FAM168A: variants seen among roughly 807,000 people sequenced by gnomAD.
FAM168A encodes the protein family with sequence similarity 168 member A, also known as protein FAM168A.
Under a neutral mutation model 28.5 loss-of-function variants are expected in FAM168A, and 3 were observed. The observed-to-expected ratio is 0.11, with a 90% CI of 0.05 to 0.27. The LOEUF is 0.27. FAM168A is among the 10% of genes least tolerant of loss of function. The pLI, the probability that FAM168A is intolerant of heterozygous loss-of-function variation, is 1.00. For synonymous variants in FAM168A, 122 were observed against 124.2 expected (o/e 0.98, Z 0.12); for missense variants, 222 against 311.5 (o/e 0.71, Z 2.16).
At chr11:73,547,430 A>G (rs1296378105) in intron 1 of FAM168A, among the ~76,000 whole-genome samples, 1 of 152,130 alleles carries the variant, frequency 6.6e-6, no homozygotes, top group African/African-American at 2.4e-5. Flanking sequence ...TGCTGCTGCT[A>G]TTGAAAATAG....
intron 1 of FAM168A, among the ~76,000 whole-genome samples, chr11:73,513,211 T>A (rs919617972): frequency 2.8e-5 from 4 of 141,482 alleles, no homozygotes; most frequent in East Asian, 2.0e-4. Context: ...TTTAATTTTT[T>A]TTTTTTTTTT....
intron 2 of FAM168A, among the ~76,000 whole-genome samples, chr11:73,449,327 T>C (rs1008379208): frequency 8.5e-5 from 13 of 152,132 alleles, no homozygotes; most frequent in African/African-American, 2.9e-4. Context: ...AACTGATGCA[T>C]AGTGAGTGAT....
chr11:73,592,396 A>G (rs1944393205), intron 1 of FAM168A, among the ~76,000 whole-genome samples: 1 of 152,234 alleles, frequency 6.6e-6, no homozygotes, highest in Admixed American at 6.5e-5. Flanking sequence ...AATACTAAAG[A>G]TATGCATAAC....
chr11:73,559,655 T>C (rs1406188691), intron 1 of FAM168A, among the ~76,000 whole-genome samples: 1 of 152,158 alleles, frequency 6.6e-6, no homozygotes, highest in South Asian at 2.1e-4. Flanking sequence ...GGAATGACTG[T>C]TTAGTGGATA....
chr11:73,440,903 G>A (rs1022726975), intron 2 of FAM168A, among the ~76,000 whole-genome samples: 6 of 151,958 alleles, frequency 3.9e-5, no homozygotes, highest in Admixed American at 2.0e-4. Context: ...TATCAATCAA[G>A]AAGAAATGAA....
rs1668749552 is a variant in FAM168A at position 73,404,565 on chromosome 11, C to T, written c.*2198G>A. On this transcript the variant is annotated 3_prime_UTR_variant, in exon 8 of 8. Transcript: ENST00000356467. Reference sequence around the variant, plus strand: ...GGTATTTGCAAAAAGTGAATTAACACTGGAAAACTTTCTATTGTTTTAAAG... The same window carrying T: ...GGTATTTGCAAAAAGTGAATTAACATTGGAAAACTTTCTATTGTTTTAAAG... The T allele has an allele frequency of 1.3e-5, 2 of 152,222 alleles. No homozygotes were observed. Among genetic ancestry groups the T allele is most frequent in the Non-Finnish European group, 2.9e-5 (2 of 68,036 alleles). The allele number at this position is 152,222 out of a possible 1,614,324, so 9.4% of individuals were successfully genotyped here. A position where few individuals can be genotyped will look rare whatever the true frequency, so the allele number is the denominator to read the frequency against.
At chr11:73,450,504 T>G (rs937564926) in intron 2 of FAM168A, among the ~76,000 whole-genome samples, 12 of 152,196 alleles carry the variant, frequency 7.9e-5, no homozygotes, top group African/African-American at 2.9e-4. Flanking sequence ...TGCTATAAAG[T>G]ATAAATCAAT....
intron 1 of FAM168A, among the ~76,000 whole-genome samples, chr11:73,525,224 G>A (rs1426057540): frequency 6.6e-6 from 1 of 152,050 alleles, no homozygotes; most frequent in African/African-American, 2.4e-5. Context: ...TTAAGACTAA[G>A]AAACATACAG....
intron 4 of FAM168A, among the ~76,000 whole-genome samples, chr11:73,415,601 T>C (rs1236251425): frequency 1.3e-5 from 2 of 152,210 alleles, no homozygotes; most frequent in Admixed American, 1.3e-4. Flanking sequence ...AGGAAATCAT[T>C]TCAGAGGACT....
At chr11:73,425,424 G>A (rs1291294722) in intron 3 of FAM168A, among the ~76,000 whole-genome samples, 1 of 152,208 alleles carries the variant, frequency 6.6e-6, no homozygotes, top group Non-Finnish European at 1.5e-5. Context: ...AAGGTTCAGA[G>A]ACAATATCAC....
chr11:73,510,241 T>G lies in FAM168A; in HGVS notation c.-18-41749A>C, dbSNP rs114155320. On this transcript the variant is annotated intron_variant, in intron 1 of 7. Transcript: ENST00000356467. ...TCAACTAGGCAACACATCCCCATTA[T>G]GCAAAACCTGATAATAACCACTAAT... Among the ~76,000 whole-genome samples the G allele has an allele frequency of 7.3e-3, 1,113 of 152,284 alleles. 17 individuals are homozygous for G. The highest frequency in any genetic ancestry group is 0.026 in the African/African-American group (1,075 of 41,552).
At chr11:73,442,125 C>CT (rs59066860) in intron 2 of FAM168A, among the ~76,000 whole-genome samples, 1,566 of 130,952 alleles carry the variant, frequency 0.012, 17 homozygotes, top group South Asian at 0.043. Flanking sequence ...CTTTCTTCTT[C>CT]TTTTTTTTTT....
chr11:73,484,710 A>C (rs970885580), intron 1 of FAM168A, among the ~76,000 whole-genome samples: 7 of 132,058 alleles, frequency 5.3e-5, no homozygotes, highest in Non-Finnish European at 7.6e-5. Context: ...AGATATATAT[A>C]GATATATATA....
intron 2 of FAM168A, among the ~76,000 whole-genome samples, chr11:73,460,213 A>G (rs1023539239): frequency 5.5e-5 from 8 of 146,764 alleles, no homozygotes; most frequent in African/African-American, 2.2e-4. Context: ...TACAAAGCAG[A>G]AAAAAATCTC....
chr11:73,480,396 CTTT>C (rs909001692), intron 1 of FAM168A, among the ~76,000 whole-genome samples: 1 of 129,614 alleles, frequency 7.7e-6, no homozygotes, highest in African/African-American at 2.7e-5. Context: ...CTCTCTCTCT[CTTT>C]TTTTTTTTAA....
intron 1 of FAM168A, among the ~76,000 whole-genome samples, chr11:73,515,548 A>G (rs1208167515): frequency 6.6e-6 from 1 of 151,588 alleles, no homozygotes; most frequent in African/African-American, 2.4e-5. Flanking sequence ...CTATCTATTA[A>G]TTAATTTTAA....
rs766474299 is a variant in FAM168A, at chr11:73,475,127, T to C, written c.-18-6635A>G. On this transcript the variant is annotated intron_variant, in intron 1 of 7. Transcript: ENST00000356467. ...AACTATTTCTTTCAAAATAACGAAA[T>C]ATATGACCATTAAATGACAAGCAAA... Among the ~76,000 whole-genome samples, 12 of 152,240 alleles carry C rather than the reference T, an allele frequency of 7.9e-5. No homozygotes were observed. In the South Asian group the frequency reaches 1.5e-3, roughly 18 times the overall value.
intron 2 of FAM168A, among the ~76,000 whole-genome samples, chr11:73,460,043 G>A (rs534321131): frequency 1.3e-5 from 2 of 152,112 alleles, no homozygotes; most frequent in South Asian, 4.2e-4. Flanking sequence ...ACCATGCCTG[G>A]CTAATTTTTT....
Position 73,597,938 on chromosome 11 carries a change from G to T in FAM168A, c.-34C>A. On this transcript the variant is annotated 5_prime_UTR_variant, in exon 1 of 8. The change creates a new upstream start codon in the 5' untranslated region. Coordinates refer to ENST00000356467, the MANE Select transcript of FAM168A (RefSeq NM_015159.3). Reference sequence around the variant, plus strand: ...GTCTCCTCACCGGTGAGCAGCTGCAGGCGAAAACGGCGGCGGCGGCGGCTG... The same window carrying T: ...GTCTCCTCACCGGTGAGCAGCTGCATGCGAAAACGGCGGCGGCGGCGGCTG... The T allele has an allele frequency of 6.4e-6, 1 of 156,470 alleles. No homozygotes were observed. Among genetic ancestry groups the T allele is most frequent in the South Asian group, 1.9e-4 (1 of 5,302 alleles). The allele number at this position is 156,470 out of a possible 1,614,324, so 9.7% of individuals were successfully genotyped here.
Sources: gnomAD v4.1 joint callset for allele counts (sites outside exome capture counted in the v4.1 genomes callset) on GRCh38, gnomAD v4.1.1 for gene constraint, MANE v1.5 for transcripts, NCBI Gene and HGNC (gene_info 2026-07-23, HGNC 2026-07-21) for gene names.